The following EPHA6 variants were observed in gnomAD, a reference collection of about 807,000 sequenced individuals.
The protein encoded by EPHA6 is EPH receptor A6, also known as ephrin type-A receptor 6.
EPHA6 carries 50 observed loss-of-function variants against 112.0 expected under a neutral mutation model. That is an observed-to-expected ratio of 0.45 (90% CI 0.36 to 0.56). The LOEUF is 0.56. EPHA6 is among the 20% of genes least tolerant of loss of function. The pLI is 0.00. For missense variants in EPHA6, 1,280 were observed against 1,417.4 expected (o/e 0.90, Z 1.56); for synonymous variants, 529 against 490.7 (o/e 1.08, Z -1.03).
At chr3:97,065,884 T>TA (rs987350882) in intron 3 of EPHA6, among the ~76,000 whole-genome samples, 7 of 152,142 alleles carry the variant, frequency 4.6e-5, no homozygotes, top group East Asian at 1.9e-4. Context: ...TTGATTTTTT[T>TA]AAAAAAATCC....
intron 6 of EPHA6, among the ~76,000 whole-genome samples, chr3:97,412,467 C>A (rs533380654): frequency 6.6e-6 from 1 of 151,946 alleles, no homozygotes; most frequent in African/African-American, 2.4e-5. Flanking sequence ...ATCTCTTTTT[C>A]GATGAGGTTG....
chr3:97,331,480 A>C (rs1325965444), intron 5 of EPHA6, among the ~76,000 whole-genome samples: 1 of 152,174 alleles, frequency 6.6e-6, no homozygotes, highest in Non-Finnish European at 1.5e-5. Flanking sequence ...TGAAAAGATC[A>C]ACAAAATTGA....
intron 3 of EPHA6, among the ~76,000 whole-genome samples, chr3:97,032,424 T>C (rs1169205091): frequency 6.6e-6 from 1 of 151,972 alleles, no homozygotes; most frequent in Non-Finnish European, 1.5e-5. Context: ...GTTGTGCACA[T>C]GTACCCTAAA....
chr3:96,943,780 C>G (rs1452803826), intron 2 of EPHA6, among the ~76,000 whole-genome samples: 5 of 151,934 alleles, frequency 3.3e-5, no homozygotes, highest in Non-Finnish European at 7.4e-5. Context: ...ATTGCTCGAG[C>G]CTGGGAGGTT....
Position 97,223,498 on chromosome 3 carries a change from T to C in EPHA6, c.1115-2766T>C, listed in dbSNP as rs2078263745. ...TGTCCAAGATTCTGGAAAAGGCCAG[T>C]GTGGCTAGAGCGAAGTATCTGAAGG... On this transcript the variant is annotated intron_variant, in intron 3 of 17. Coordinates refer to ENST00000389672, the MANE Select transcript of EPHA6 (RefSeq NM_001080448.3). Among the ~76,000 whole-genome samples, 4 of 152,246 alleles carry C rather than the reference T, an allele frequency of 2.6e-5. No individual in the cohort carries two copies. In the East Asian group the frequency reaches 7.7e-4, roughly 29 times the overall value.
At chr3:96,841,856 G>A (rs1032548083) in intron 1 of EPHA6, among the ~76,000 whole-genome samples, 4 of 152,030 alleles carry the variant, frequency 2.6e-5, no homozygotes, top group Admixed American at 1.3e-4. Flanking sequence ...TTTCTTTTGA[G>A]GAAGGTTTAG....
At chr3:97,661,436 C>T (rs771774614) in intron 14 of EPHA6, among the ~76,000 whole-genome samples, 24 of 152,052 alleles carry the variant, frequency 1.6e-4, no homozygotes, top group Admixed American at 5.2e-4. Flanking sequence ...ACTGAGACAT[C>T]TTATAATTCA....
chr3:97,746,515 G>A (rs552796335), intron 16 of EPHA6, among the ~76,000 whole-genome samples: 1 of 151,814 alleles, frequency 6.6e-6, no homozygotes, highest in South Asian at 2.1e-4. Flanking sequence ...ACTTTTACCA[G>A]AATTTATAAG....
chr3:97,671,016 G>A (rs1220834906), intron 14 of EPHA6, among the ~76,000 whole-genome samples: 1 of 152,102 alleles, frequency 6.6e-6, no homozygotes, highest in Non-Finnish European at 1.5e-5. Context: ...ATCTAGATTA[G>A]CTTCTGTCAG....
At chr3:97,092,086 G>GTGT (rs1559722579) in intron 3 of EPHA6, among the ~76,000 whole-genome samples, 1 of 129,236 alleles carries the variant, frequency 7.7e-6, no homozygotes, top group East Asian at 2.2e-4. Context: ...GGTTAACAAG[G>GTGT]TTTTTTTTTT....
chr3:97,645,336 T>G (rs301946), intron 14 of EPHA6, among the ~76,000 whole-genome samples: 5 of 145,318 alleles, frequency 3.4e-5, no homozygotes, highest in South Asian at 2.3e-4. Flanking sequence ...TATGCAGCCA[T>G]AAAAAATGAT....
intron 6 of EPHA6, 123 bp downstream of exon 6, chr3:97,405,397 A>T: frequency 1.3e-6 from 1 of 761,484 alleles, no homozygotes; most frequent in Non-Finnish European, 2.0e-6. Flanking sequence ...CTAGCCTCAT[A>T]CCTTCTGTTT....
chr3:97,335,045 CT>C (rs568063333), intron 5 of EPHA6, among the ~76,000 whole-genome samples: 213 of 152,206 alleles, frequency 1.4e-3, no homozygotes, highest in African/African-American at 4.8e-3. Context: ...GACCAAGTGG[CT>C]TAAACAACAG....
At chr3:97,420,996 T>A (rs530451203) in intron 6 of EPHA6, among the ~76,000 whole-genome samples, 1 of 152,148 alleles carries the variant, frequency 6.6e-6, no homozygotes, top group Admixed American at 6.5e-5. Context: ...AGGCATTTCA[T>A]GTATACCATC....
intron 14 of EPHA6, among the ~76,000 whole-genome samples, chr3:97,713,672 T>C (rs1210101045): frequency 1.3e-5 from 2 of 152,248 alleles, no homozygotes; most frequent in Non-Finnish European, 2.9e-5. Context: ...TGTACACATA[T>C]GACTGTGTCT....
chr3:97,546,357 GA>G (rs1409512605), intron 11 of EPHA6, among the ~76,000 whole-genome samples: 1 of 152,198 alleles, frequency 6.6e-6, no homozygotes, highest in Non-Finnish European at 1.5e-5. Context: ...ATTCTGGGTT[GA>G]AAATTCTTTT....
intron 5 of EPHA6, among the ~76,000 whole-genome samples, chr3:97,387,331 T>TG (rs2086130751): frequency 6.6e-6 from 1 of 152,026 alleles, no homozygotes; most frequent in African/African-American, 2.4e-5. Flanking sequence ...TTTTTTTTTT[T>TG]TGCTTATGCA....
chr3:97,390,890 G>C (rs1028263260), intron 5 of EPHA6, among the ~76,000 whole-genome samples: 1 of 151,998 alleles, frequency 6.6e-6, no homozygotes, highest in Non-Finnish European at 1.5e-5. Flanking sequence ...AAATCATTCG[G>C]AATATTTTTG....
chr3:97,440,791 G>A (rs907350377), intron 6 of EPHA6, among the ~76,000 whole-genome samples: 2 of 151,404 alleles, frequency 1.3e-5, no homozygotes, highest in African/African-American at 2.4e-5. Flanking sequence ...AAAATCAAAA[G>A]CCAGTGTTTT....
Sources: gnomAD v4.1 joint callset for allele counts (sites outside exome capture counted in the v4.1 genomes callset) on GRCh38, gnomAD v4.1.1 for gene constraint, MANE v1.5 for transcripts, NCBI Gene and HGNC (gene_info 2026-07-23, HGNC 2026-07-21) for gene names.